Variants in MAST4 observed in about 807,000 individuals in gnomAD.
The protein encoded by MAST4 is microtubule-associated serine/threonine-protein kinase 4.
A neutral mutation model predicts 162.7 loss-of-function variants in MAST4; 89 were observed. The observed-to-expected ratio is 0.55, with a 90% CI of 0.46 to 0.65. MAST4 has a LOEUF of 0.65. Ranked by LOEUF, MAST4 falls within the 30% of genes least tolerant of loss-of-function variation. MAST4 has a pLI of 0.00. For synonymous variants in MAST4, 1,479 were observed against 1,361.1 expected, an observed-to-expected ratio of 1.09 and a Z score of -1.91; for missense variants, 3,153 against 3,374.0, an observed-to-expected ratio of 0.93 and a Z score of 1.62.
At chr5:66,840,975 G>A (rs1297576753) in intron 3 of MAST4, among the ~76,000 whole-genome samples, 3 of 152,296 alleles carry the variant, frequency 2.0e-5, no homozygotes, top group East Asian at 1.9e-4. Context: ...ACTACTGGAA[G>A]CACTGAAGTC....
At chr5:66,758,730 A>T (rs927047690) in intron 1 of MAST4, among the ~76,000 whole-genome samples, 4 of 152,200 alleles carry the variant, frequency 2.6e-5, no homozygotes, top group African/African-American at 9.6e-5. Context: ...TCTTTTCCCC[A>T]TGAAAACAAA....
At chr5:66,939,659 A>G (rs1743152336) in intron 4 of MAST4, among the ~76,000 whole-genome samples, 1 of 152,028 alleles carries the variant, frequency 6.6e-6, no homozygotes, top group South Asian at 2.1e-4. Context: ...CTATATATAA[A>G]ACATTTGTGA....
intron 4 of MAST4, among the ~76,000 whole-genome samples, chr5:66,960,474 A>G (rs1381110877): frequency 6.6e-6 from 1 of 151,970 alleles, no homozygotes; most frequent in Non-Finnish European, 1.5e-5. Context: ...CATTTCTCCC[A>G]TCTCCACCCC....
At chr5:66,873,478 A>T (rs1243146432) in intron 3 of MAST4, among the ~76,000 whole-genome samples, 1 of 152,228 alleles carries the variant, frequency 6.6e-6, no homozygotes, top group African/African-American at 2.4e-5. Context: ...ACGGTAAACC[A>T]GCTGCCAAAT....
intron 4 of MAST4, among the ~76,000 whole-genome samples, chr5:67,006,337 C>T (rs565784383): frequency 1.3e-5 from 2 of 152,276 alleles, no homozygotes; most frequent in Admixed American, 6.5e-5. Context: ...CTCGTTCTGC[C>T]ATATATGGTC....
chr5:66,697,317 C>T (rs1000150853), intron 1 of MAST4, among the ~76,000 whole-genome samples: 2 of 152,066 alleles, frequency 1.3e-5, no homozygotes, highest in African/African-American at 2.4e-5. Flanking sequence ...GACCGATGTA[C>T]GATGTTTCAA....
chr5:66,915,569 C>T (rs1395116041), intron 4 of MAST4, among the ~76,000 whole-genome samples: 2 of 152,178 alleles, frequency 1.3e-5, no homozygotes, highest in Admixed American at 6.5e-5. Flanking sequence ...ATGGCATTGT[C>T]CATAGATGAG....
At chr5:66,817,425 A>G (rs1756785217) in intron 3 of MAST4, among the ~76,000 whole-genome samples, 1 of 152,158 alleles carries the variant, frequency 6.6e-6, no homozygotes, top group Admixed American at 6.5e-5. Context: ...GTTGTGTGGT[A>G]TTAGCTTGAG....
intron 4 of MAST4, among the ~76,000 whole-genome samples, chr5:66,986,047 T>C (rs1749451425): frequency 6.6e-6 from 1 of 152,184 alleles, no homozygotes; most frequent in South Asian, 2.1e-4. Context: ...TGACCTTCCC[T>C]CAAGGAAAAC....
intron 4 of MAST4, among the ~76,000 whole-genome samples, chr5:66,941,240 G>T (rs758257342): frequency 6.6e-6 from 1 of 151,026 alleles, no homozygotes; most frequent in East Asian, 1.9e-4. Flanking sequence ...AGGGAGTCAG[G>T]CTGTCCTTTG....
chr5:67,004,787 A>C, intron 4 of MAST4: 1 of 538,170 alleles, frequency 1.9e-6, no homozygotes, highest in Non-Finnish European at 3.3e-6. Context: ...CTGTGTGTTA[A>C]TTAAAGGCTA....
intron 4 of MAST4, among the ~76,000 whole-genome samples, chr5:66,954,083 C>T (rs1369940329): frequency 6.6e-6 from 1 of 152,060 alleles, no homozygotes; most frequent in Non-Finnish European, 1.5e-5. Context: ...TCCACCTTGT[C>T]ATATATATAT....
chr5:66,746,847 T>A (rs1277265417), intron 1 of MAST4, among the ~76,000 whole-genome samples: 1 of 152,228 alleles, frequency 6.6e-6, no homozygotes, highest in Non-Finnish European at 1.5e-5. Flanking sequence ...ATTTTCCGTG[T>A]TCTCCCAGTG....
intron 10 of MAST4, among the ~76,000 whole-genome samples, chr5:67,109,503 T>A (rs1213165928): frequency 1.3e-5 from 2 of 152,038 alleles, no homozygotes; most frequent in African/African-American, 4.8e-5. Flanking sequence ...TGAAAAAAAA[T>A]CCAAAAGACT....
At chr5:66,956,973 G>A (rs1050819968) in intron 4 of MAST4, among the ~76,000 whole-genome samples, 1 of 152,158 alleles carries the variant, frequency 6.6e-6, no homozygotes, top group African/African-American at 2.4e-5. Context: ...TACATTGAAA[G>A]GAGGCTTATT....
intron 4 of MAST4, among the ~76,000 whole-genome samples, chr5:66,953,584 G>A (rs1046956429): frequency 2.0e-5 from 3 of 152,038 alleles, no homozygotes. Flanking sequence ...TCCTGAAAAC[G>A]GGACAGAAGT....
At chr5:66,754,962 A>G (rs1478937265) in intron 1 of MAST4, among the ~76,000 whole-genome samples, 1 of 152,194 alleles carries the variant, frequency 6.6e-6, no homozygotes. Flanking sequence ...AGCCTGGGGC[A>G]TCCAAGGTCT....
chr5:66,633,059 C>T (rs1744888840), intron 1 of MAST4, among the ~76,000 whole-genome samples: 1 of 152,068 alleles, frequency 6.6e-6, no homozygotes, highest in South Asian at 2.1e-4. Context: ...AAAAGGGATG[C>T]TTTAGAAAAA....
At chr5:66,972,006 TAA>T (rs111389931) in intron 4 of MAST4, among the ~76,000 whole-genome samples, 10 of 149,636 alleles carry the variant, frequency 6.7e-5, no homozygotes, top group Non-Finnish European at 1.3e-4. Flanking sequence ...GCGAAAACTT[TAA>T]AAAAAAAAGT....
Sources: gnomAD v4.1 joint callset for allele counts (sites outside exome capture counted in the v4.1 genomes callset) on GRCh38, gnomAD v4.1.1 for gene constraint, MANE v1.5 for transcripts, NCBI Gene and HGNC (gene_info 2026-07-23, HGNC 2026-07-21) for gene names.